Variants in GALNT17 observed in about 807,000 individuals in gnomAD.
The protein encoded by GALNT17 is polypeptide N-acetylgalactosaminyltransferase 17, also known as UDP-GalNAc:polypeptide N-acetylgalactosaminyltransferase-like 3.
In GALNT17, 29 loss-of-function variants were observed where a neutral mutation model predicts 63.7. The ratio of observed to expected loss-of-function variants is 0.46; its 90% CI spans 0.34 to 0.62. The LOEUF (loss-of-function observed/expected upper bound fraction) is 0.62, where lower values mean the gene tolerates loss of function less well. Among genes scored for constraint, GALNT17 ranks in the 20% least tolerant of loss-of-function variants. The pLI is 0.01. For synonymous variants in GALNT17, 305 were observed against 318.3 expected, an observed-to-expected ratio of 0.96 and a Z score of 0.45; for missense variants, 603 against 799.6, an observed-to-expected ratio of 0.75 and a Z score of 2.97.
intron 1 of GALNT17, among the ~76,000 whole-genome samples, chr7:71,271,467 CA>C (rs1307791242): frequency 1.3e-5 from 2 of 152,208 alleles, no homozygotes; most frequent in African/African-American, 4.8e-5. Flanking sequence ...ACCTCATGTC[CA>C]GGAAACAGCC....
At chr7:71,158,442 T>G (rs1788277395) in intron 1 of GALNT17, among the ~76,000 whole-genome samples, 1 of 151,682 alleles carries the variant, frequency 6.6e-6, no homozygotes, top group South Asian at 2.1e-4. Flanking sequence ...TTGCCCAGGC[T>G]GGAGTGCAGT....
At chr7:71,330,260 G>A (rs1002275214) in intron 1 of GALNT17, among the ~76,000 whole-genome samples, 4 of 152,112 alleles carry the variant, frequency 2.6e-5, no homozygotes, top group East Asian at 3.9e-4. Context: ...TGATCCGCCC[G>A]CCTTGGCCTC....
intron 5 of GALNT17, among the ~76,000 whole-genome samples, chr7:71,483,220 C>G (rs1393182498): frequency 6.6e-6 from 1 of 152,206 alleles, no homozygotes; most frequent in East Asian, 1.9e-4. Flanking sequence ...CCTGTAATCC[C>G]AGCACTTTGG....
At chr7:71,552,318 T>TGGCTGTG (rs1789094142) in intron 5 of GALNT17, among the ~76,000 whole-genome samples, 3 of 152,112 alleles carry the variant, frequency 2.0e-5, no homozygotes, top group African/African-American at 7.2e-5. Flanking sequence ...GTGCTAGGAT[T>TGGCTGTG]ACAGGCGTGA....
intron 5 of GALNT17, among the ~76,000 whole-genome samples, chr7:71,554,990 T>C (rs1789138545): frequency 6.6e-6 from 1 of 152,156 alleles, no homozygotes; most frequent in African/African-American, 2.4e-5. Context: ...TCTGCTTGGC[T>C]TCTGGTGAAG....
At chr7:71,570,672 T>C (rs1242969845) in intron 5 of GALNT17, among the ~76,000 whole-genome samples, 1 of 152,056 alleles carries the variant, frequency 6.6e-6, no homozygotes, top group African/African-American at 2.4e-5. Flanking sequence ...CCCTAGATGC[T>C]TTTGAAGCTA....
intron 2 of GALNT17, among the ~76,000 whole-genome samples, chr7:71,357,350 G>A (rs1333091405): frequency 2.6e-5 from 4 of 152,072 alleles, no homozygotes; most frequent in Admixed American, 1.3e-4. Context: ...TGCATTGCAC[G>A]CTCCTTATGA....
intron 1 of GALNT17, among the ~76,000 whole-genome samples, chr7:71,150,200 G>T (rs1788104046): frequency 6.6e-6 from 1 of 152,158 alleles, no homozygotes; most frequent in African/African-American, 2.4e-5. Flanking sequence ...TCCTGGAAGG[G>T]AAAGAACATG....
intron 1 of GALNT17, among the ~76,000 whole-genome samples, chr7:71,268,564 TAAA>T (rs1790532006): frequency 6.8e-6 from 1 of 147,182 alleles, no homozygotes; most frequent in Non-Finnish European, 1.5e-5. Flanking sequence ...AATAAATAAA[TAAA>T]TAAATAAATA....
intron 6 of GALNT17, among the ~76,000 whole-genome samples, chr7:71,632,755 T>G (rs1790470214): frequency 1.3e-5 from 2 of 152,196 alleles, no homozygotes; most frequent in Non-Finnish European, 2.9e-5. Flanking sequence ...TCTGACATTT[T>G]GCTCACCGTG....
intron 3 of GALNT17, among the ~76,000 whole-genome samples, chr7:71,413,772 A>G (rs73363706): frequency 0.056 from 8,505 of 152,188 alleles, 809 homozygotes; most frequent in African/African-American, 0.19. Flanking sequence ...GTCCAGAATC[A>G]CACTGCAGGG....
Position 71,335,615 on chromosome 7 carries a change from A to G in GALNT17, c.304A>G (p.Thr102Ala). 6.2e-7 allele frequency: 1 copy of G among 1,612,438 alleles called. No homozygotes were observed. The highest frequency in any genetic ancestry group is 8.5e-7 in the Non-Finnish European group (1 of 1,179,252). ...GGRGKGGLPA[T>A]LSPAEEEKAK... ...GCGGGGTAAAGGGGGCCTTCCGGCT[A>G]CTCTTTCCCCGGCTGAAGAAGAAAA... is the stretch of plus-strand genomic sequence containing the variant. The change falls in exon 2 of 11, where the codon ACT (threonine) becomes GCT (alanine). Residue 102 changes from threonine (T) to alanine (A), a missense_variant. By Grantham distance (58) the Thr-to-Ala change is moderately conservative. Around this residue, in one of 3 missense-constraint regions of GALNT17, gnomAD observed 195 missense variants for 215.0 expected, o/e 0.91. Coordinates refer to ENST00000333538, the MANE Select transcript of GALNT17 (RefSeq NM_022479.3).
intron 9 of GALNT17, among the ~76,000 whole-genome samples, chr7:71,680,743 TTCTTCCTTTCCTTTTGTTTCCTTTC>T (rs1424490339): frequency 2.1e-4 from 14 of 66,378 alleles, no homozygotes; most frequent in African/African-American, 6.3e-4. Context: ...CCTCCTTCCT[TTCTTCCTTTCCTTTTGTTTCCTTTC>T]CCTTCCTTTC....
At chr7:71,523,265 A>G (rs1207355445) in intron 5 of GALNT17, among the ~76,000 whole-genome samples, 3 of 152,096 alleles carry the variant, frequency 2.0e-5, no homozygotes, top group Non-Finnish European at 4.4e-5. Flanking sequence ...TCTCTACAAA[A>G]TAATTTTTAA....
intron 1 of GALNT17, among the ~76,000 whole-genome samples, chr7:71,323,870 G>A (rs573855617): frequency 1.3e-5 from 2 of 152,212 alleles, no homozygotes; most frequent in Non-Finnish European, 2.9e-5. Flanking sequence ...GTTCACAAGA[G>A]ACCAGTGCTC....
At chr7:71,710,274 C>G (rs1791773938) in intron 9 of GALNT17, among the ~76,000 whole-genome samples, 1 of 152,126 alleles carries the variant, frequency 6.6e-6, no homozygotes, top group African/African-American at 2.4e-5. Context: ...CTTTGAGAAG[C>G]CGAGGTGGGC....
intron 1 of GALNT17, among the ~76,000 whole-genome samples, chr7:71,147,773 A>G (rs12539682): frequency 0.22 from 33,244 of 152,016 alleles, 4,846 homozygotes; most frequent in Middle Eastern, 0.34. Flanking sequence ...CTGGGACTAC[A>G]AGAGTGCACC....
chr7:71,220,555 A>G (rs1789564528), intron 1 of GALNT17, among the ~76,000 whole-genome samples: 1 of 152,214 alleles, frequency 6.6e-6, no homozygotes. Context: ...GGTGTAGTTC[A>G]TTTTATCTGT....
At chr7:71,391,972 C>A (rs192809829) in intron 3 of GALNT17, among the ~76,000 whole-genome samples, 1 of 152,030 alleles carries the variant, frequency 6.6e-6, no homozygotes, top group African/African-American at 2.4e-5. Flanking sequence ...GTGGGGAGGT[C>A]CCAGACTCTG....
Sources: allele counts gnomAD v4.1 joint callset (sites outside exome capture counted in the v4.1 genomes callset), GRCh38; gene constraint gnomAD v4.1.1; regional missense constraint gnomAD v4.1.1; transcripts MANE v1.5; gene names NCBI Gene and HGNC (gene_info 2026-07-23, HGNC 2026-07-21).